The following EVA1C variants were observed in gnomAD, a reference collection of about 807,000 sequenced individuals.
EVA1C encodes the protein eva-1 homolog C, also known as protein eva-1 homolog C.
Under a neutral mutation model 45.4 loss-of-function variants are expected in EVA1C, and 25 were observed. The ratio of observed to expected loss-of-function variants is 0.55; its 90% CI spans 0.40 to 0.77. EVA1C has a LOEUF of 0.77. EVA1C is among the 30% of genes least tolerant of loss of function. The pLI is 0.00. For synonymous variants in EVA1C, 190 were observed against 221.2 expected (o/e 0.86, Z 1.25); for missense variants, 479 against 554.8 (o/e 0.86, Z 1.37).
In EVA1C at chr21:32,514,881, C is replaced by G. The variant is rs1261628259; in HGVS notation, c.1017C>G (p.Cys339Trp). 1 of 1,612,942 alleles carries G rather than the reference C, an allele frequency of 6.2e-7. No homozygotes were observed. The highest frequency in any genetic ancestry group is 1.3e-5 in the African/African-American group (1 of 74,890). ...GCATCGGCCTGGCCCTCACACTGTGCGCCCTGGTCATCAGAGAGTCCTGTG... is the reference window on the plus strand; with the variant it reads ...GCATCGGCCTGGCCCTCACACTGTGGGCCCTGGTCATCAGAGAGTCCTGTG... ...SVCIGLALTL[C>W]ALVIRESCAK... The change falls in exon 8 of 8, where the codon TGC (cysteine) becomes TGG (tryptophan). Residue 339 changes from cysteine to tryptophan, a missense_variant. Coordinates refer to ENST00000300255, the MANE Select transcript of EVA1C (RefSeq NM_058187.5).
chr21:32,502,643 T>C (rs2037597505), intron 6 of EVA1C, among the ~76,000 whole-genome samples: 1 of 152,176 alleles, frequency 6.6e-6, no homozygotes, highest in Non-Finnish European at 1.5e-5. Flanking sequence ...GTATGTTTGA[T>C]ATGAAAACCA....
intron 3 of EVA1C, among the ~76,000 whole-genome samples, chr21:32,465,205 C>T (rs961340036): frequency 3.3e-5 from 5 of 152,144 alleles, no homozygotes; most frequent in African/African-American, 7.2e-5. Flanking sequence ...CATGAATGAA[C>T]CTCAAATCAC....
intron 7 of EVA1C, among the ~76,000 whole-genome samples, chr21:32,508,659 A>G (rs1244833373): frequency 1.3e-5 from 2 of 152,184 alleles, no homozygotes; most frequent in Non-Finnish European, 2.9e-5. Context: ...AGCACTTGGT[A>G]TGCTTTGTGC....
At chr21:32,413,081 G>A (rs2033893950) in intron 1 of EVA1C, 68 bp downstream of exon 1, 1 of 1,260,806 alleles carries the variant, frequency 7.9e-7, no homozygotes. Flanking sequence ...CTCGACTGGG[G>A]GCAGCCGCAC....
At chr21:32,449,752 G>A (rs182751052) in intron 1 of EVA1C, among the ~76,000 whole-genome samples, 79 of 152,014 alleles carry the variant, frequency 5.2e-4, no homozygotes, top group Middle Eastern at 6.8e-3. Context: ...CTCCAGAGTA[G>A]CTGGGATTAC....
At chr21:32,507,926 T>C (rs2037821323) in intron 7 of EVA1C, among the ~76,000 whole-genome samples, 2 of 141,780 alleles carry the variant, frequency 1.4e-5, no homozygotes, top group African/African-American at 2.8e-5. Flanking sequence ...CGTGTGTGCC[T>C]GTATGTGTAT....
chr21:32,443,216 T>C (rs1159608361), intron 1 of EVA1C, among the ~76,000 whole-genome samples: 1 of 152,188 alleles, frequency 6.6e-6, no homozygotes, highest in African/African-American at 2.4e-5. Flanking sequence ...ATTGTACCAA[T>C]GGAAGCTCTA....
intron 1 of EVA1C, among the ~76,000 whole-genome samples, chr21:32,449,525 A>G (rs1207890222): frequency 6.6e-6 from 1 of 151,988 alleles, no homozygotes; most frequent in Non-Finnish European, 1.5e-5. Flanking sequence ...AGGTTTCTCC[A>G]TGTCTTTTTG....
intron 4 of EVA1C, 122 bp downstream of exon 4, chr21:32,467,970 C>T (rs373964829): frequency 2.9e-5 from 17 of 591,880 alleles, no homozygotes; most frequent in South Asian, 8.5e-5. Context: ...AACACAATCA[C>T]GATCTTGTGA....
At chr21:32,492,460 G>C (rs1432507138) in intron 4 of EVA1C, among the ~76,000 whole-genome samples, 2 of 152,104 alleles carry the variant, frequency 1.3e-5, no homozygotes, top group African/African-American at 4.8e-5. Flanking sequence ...GAGGTCCTGG[G>C]AACTGGGGAG....
At chr21:32,493,277 G>C (rs2037227477) in intron 4 of EVA1C, among the ~76,000 whole-genome samples, 1 of 151,956 alleles carries the variant, frequency 6.6e-6, no homozygotes, top group African/African-American at 2.4e-5. Context: ...CTTGCCTTTG[G>C]TTCCCGTTTC....
chr21:32,440,180 G>C (rs1444483039), intron 1 of EVA1C, among the ~76,000 whole-genome samples: 2 of 152,118 alleles, frequency 1.3e-5, no homozygotes, highest in Non-Finnish European at 2.9e-5. Flanking sequence ...CCAATTCCAA[G>C]CAGAAAAGAT....
intron 3 of EVA1C, among the ~76,000 whole-genome samples, chr21:32,466,225 C>T (rs1274866717): frequency 6.6e-6 from 1 of 152,108 alleles, no homozygotes; most frequent in Non-Finnish European, 1.5e-5. Flanking sequence ...TCAAGACCAT[C>T]CTGGCTAACA....
intron 7 of EVA1C, among the ~76,000 whole-genome samples, chr21:32,511,831 A>C (rs544877264): frequency 6.6e-6 from 1 of 152,296 alleles, no homozygotes; most frequent in South Asian, 2.1e-4. Context: ...GCAGGTGTTG[A>C]CCAGGGACAT....
chr21:32,489,726 A>G (rs756926244), intron 4 of EVA1C, among the ~76,000 whole-genome samples: 1 of 152,186 alleles, frequency 6.6e-6, no homozygotes, highest in Non-Finnish European at 1.5e-5. Flanking sequence ...CTTCCAGTCC[A>G]TAAGCATGGG....
chr21:32,498,404 G>T (rs1035114641), intron 5 of EVA1C, among the ~76,000 whole-genome samples: 1 of 148,936 alleles, frequency 6.7e-6, no homozygotes, highest in Non-Finnish European at 1.5e-5. Flanking sequence ...CTGAGATCTC[G>T]TCACTGCTTG....
rs546979555 is a variant in EVA1C at position 32,482,335 on chromosome 21, T to G, written c.635-12692T>G. Reference sequence around the variant, plus strand: ...TCGTACAGACCTCATAGAGATACAGTGAAAAAAGATATTCCTCATGCTACA... The same window carrying G: ...TCGTACAGACCTCATAGAGATACAGGGAAAAAAGATATTCCTCATGCTACA... On this transcript the variant is annotated intron_variant, in intron 4 of 7. Transcript: ENST00000300255. Among the ~76,000 whole-genome samples, 3 of 152,194 alleles carry G rather than the reference T, an allele frequency of 2.0e-5. No homozygotes were observed. In the South Asian group the frequency reaches 6.2e-4, roughly 32 times the overall value.
chr21:32,509,469 G>T (rs1237484787), intron 7 of EVA1C, among the ~76,000 whole-genome samples: 2 of 152,022 alleles, frequency 1.3e-5, no homozygotes, highest in East Asian at 1.9e-4. Context: ...AGAGGAGAGG[G>T]AAAAAAAGGG....
At chr21:32,496,704 G>T in intron 5 of EVA1C, 1 of 588,822 alleles carries the variant, frequency 1.7e-6, no homozygotes, top group Non-Finnish European at 3.0e-6. Flanking sequence ...TCATCAGAGT[G>T]TTGAATAAGA....
Sources: allele counts gnomAD v4.1 joint callset (sites outside exome capture counted in the v4.1 genomes callset), GRCh38; gene constraint gnomAD v4.1.1; transcripts MANE v1.5; gene names NCBI Gene and HGNC (gene_info 2026-07-23, HGNC 2026-07-21).